Variants in SKOR1 observed in about 807,000 individuals in gnomAD.
SKOR1 encodes LBX1 corepressor 1.
A neutral mutation model predicts 72.4 loss-of-function variants in SKOR1; 38 were observed. That is an observed-to-expected ratio of 0.52 (90% CI 0.40 to 0.69). SKOR1 has a LOEUF of 0.69. Among genes scored for constraint, SKOR1 ranks in the 30% least tolerant of loss-of-function variants. The pLI is 0.00. For missense variants in SKOR1, 1,320 were observed against 1,343.2 expected, an observed-to-expected ratio of 0.98 and a Z score of 0.27; for synonymous variants, 642 against 599.4, an observed-to-expected ratio of 1.07 and a Z score of -1.04.
chr15:67,827,400 AGCG>A lies in SKOR1; in HGVS notation c.1575_1577del (p.Ala528del), dbSNP rs750166844. On this transcript the variant is annotated inframe_deletion, in exon 2 of 9. Transcript: ENST00000380035. ...CCGTGGCGGCGGCAGCGGCGGCGGC[AGCG>A]GCAGCTGCTGGCAGCGGTGCCCCAG... The A allele has an allele frequency of 2.5e-5, 39 of 1,534,674 alleles. No homozygotes were observed. The South Asian group carries it at 4.4e-4, about 17-fold the overall frequency.
rs2091025968 is a variant in SKOR1, at chr15:67,833,677, G to T, written c.2804-65G>T. The stretch of plus-strand genomic sequence containing the variant: ...TTGGTAAGGCCGGGGAGGGGAAAGG[G>T]TGGACTGCGCGGTGAGGTGAGCCTG... On this transcript the variant is annotated intron_variant, in intron 8 of 8. Coordinates refer to ENST00000380035, the MANE Select transcript of SKOR1 (RefSeq NM_001365915.1). The surrounding 1 kb of genome is among the most constrained non-coding windows in gnomAD (Gnocchi z 6.0). 6.6e-7 allele frequency: 1 copy of T among 1,523,622 alleles called. No homozygotes were observed. Among genetic ancestry groups the T allele is most frequent in the Non-Finnish European group, 9.1e-7 (1 of 1,100,364 alleles). 94.4% of individuals were successfully genotyped at this position (1,523,622 alleles called of 1,614,324 possible).
chr15:67,830,123 G>T (rs923027393), intron 3 of SKOR1, 68 bp from the exon 4 acceptor site: 1 of 1,529,536 alleles, frequency 6.5e-7, no homozygotes, highest in South Asian at 1.1e-5. Context: ...CCCCGACCGC[G>T]GCAGCTCCGG....
intron 2 of SKOR1, 76 bp from the exon 3 acceptor site, chr15:67,829,103 C>T: frequency 7.4e-7 from 1 of 1,343,222 alleles, no homozygotes. Context: ...CCCTCTTGGC[C>T]GCGGGGTAGG....
chr15:67,826,601 A>G lies in SKOR1; in HGVS notation c.773A>G (p.Asp258Gly), dbSNP rs756000068. 3 of 1,613,750 alleles carry G rather than the reference A, an allele frequency of 1.9e-6. No homozygotes were observed. The highest frequency in any genetic ancestry group is 8.5e-7 in the Non-Finnish European group (1 of 1,179,954). Residue 258 changes from aspartate to glycine, a missense_variant, in exon 2 of 9, where the codon GAC (aspartate) becomes GGC (glycine). Physicochemically the swap from Asp to Gly is moderately conservative, Grantham distance 94 (BLOSUM62 -1). This residue lies in a region of SKOR1 where 1,099 missense variants were observed against 1,025.5 expected (regional missense o/e 1.07). Transcript: ENST00000380035. ...HLKLSDKSAT[D>G]ELSHAWEDVK... is the part of the protein sequence containing the mutation. ...AAACTCAGTGACAAGTCGGCCACAG[A>G]CGAACTGAGCCATGCTTGGGAGGAC... is the stretch of plus-strand genomic sequence containing the variant.
chr15:67,828,956 G>A (rs1433412654), intron 2 of SKOR1, among the ~76,000 whole-genome samples: 1 of 152,336 alleles, frequency 6.6e-6, no homozygotes, highest in South Asian at 2.1e-4. Flanking sequence ...CTTGGGAGCC[G>A]CTTTGTGTTT....
Position 67,832,871 on chromosome 15 carries a change from AT to A in SKOR1, c.2737+191del, listed in dbSNP as rs2091019413. The stretch of plus-strand genomic sequence containing the variant: ...CGAGCCCAGCAAACGGCTTGCAGGC[AT>A]CATTACATGGAGTGATTGAACTTCT... On this transcript the variant is annotated intron_variant, in intron 7 of 8. Coordinates refer to ENST00000380035, the MANE Select transcript of SKOR1 (RefSeq NM_001365915.1). This position sits in a 1 kb window ranked among gnomAD's most constrained non-coding sequence, Gnocchi z 4.5. 4.9e-6 allele frequency: 3 copies of A among 610,148 alleles called. No homozygotes were observed. In the East Asian group the frequency reaches 8.3e-5, roughly 17 times the overall value. 37.8% of individuals were successfully genotyped at this position (610,148 alleles called of 1,614,324 possible). A position where few individuals can be genotyped will look rare whatever the true frequency, so the allele number is the denominator to read the frequency against.
rs1331670947 is a variant in SKOR1, at chr15:67,827,597, C to G, written c.1769C>G (p.Ser590Cys). Residue 590 changes from serine to cysteine, a missense_variant, in exon 2 of 9, where the codon TCC (serine) becomes TGC (cysteine). Transcript: ENST00000380035. ...CCCCCGCCGCCCGCACGCAAAGGCT[C>G]CTACGTGTCGGCCTTCCGGCCGGTG... ...PPPPPPARKG[S>C]YVSAFRPVVK... 1 of 1,528,348 alleles carries G rather than the reference C, an allele frequency of 6.5e-7. No individual in the cohort carries two copies. Among genetic ancestry groups the G allele is most frequent in the East Asian group, 2.5e-5 (1 of 40,330 alleles). The allele number at this position is 1,528,348 out of a possible 1,614,324, so 94.7% of individuals were successfully genotyped here. A position where few individuals can be genotyped will look rare whatever the true frequency, so the allele number is the denominator to read the frequency against.
intron 3 of SKOR1, 133 bp downstream of exon 3, chr15:67,829,402 A>G (rs1431812066): frequency 2.5e-6 from 2 of 801,578 alleles, no homozygotes; most frequent in Non-Finnish European, 3.8e-6. Flanking sequence ...AAAATAATGA[A>G]AACAAGGAAG....
In SKOR1 at chr15:67,826,324, T is replaced by A; in HGVS notation, c.496T>A (p.Phe166Ile). ...AGAGGCCGAACGCCTGTGCAAGTCG[T>A]TCCTGGGCGAGCACAAACCACCCAA... ...KREAERLCKS[F>I]LGEHKPPKLP... Residue 166 changes from phenylalanine (F) to isoleucine (I), a missense_variant, in exon 2 of 9, where the codon TTC (phenylalanine) becomes ATC (isoleucine). By Grantham distance (21) the Phe-to-Ile change is conservative. Around this residue, in one of 3 missense-constraint regions of SKOR1, gnomAD observed 101 missense variants for 212.8 expected, o/e 0.47. Transcript: ENST00000380035. The A allele has an allele frequency of 6.2e-7, 1 of 1,613,508 alleles. No individual in the cohort carries two copies.
In SKOR1 at chr15:67,827,802, G is replaced by T. The variant is rs1325790658; in HGVS notation, c.1974G>T (p.Glu658Asp). Residue 658 changes from glutamate (E) to aspartate (D), a missense_variant, in exon 2 of 9, where the codon GAG becomes GAT. Physicochemically the swap from Glu to Asp is conservative, Grantham distance 45. Coordinates refer to ENST00000380035, the MANE Select transcript of SKOR1 (RefSeq NM_001365915.1). Reference sequence around the variant, plus strand: ...CGCCCGACGTGGACACCGCGGACGAGCCCGAGGTGGACGTGGAATCCAACC... The same window carrying T: ...CGCCCGACGTGGACACCGCGGACGATCCCGAGGTGGACGTGGAATCCAACC... ...SASPDVDTAD[E>D]PEVDVESNRF... The T allele has an allele frequency of 1.3e-6, 2 of 1,576,808 alleles. No individual in the cohort carries two copies. Among genetic ancestry groups the T allele is most frequent in the Non-Finnish European group, 1.7e-6 (2 of 1,161,454 alleles).
At position 67,833,997 on chromosome 15, in the gene SKOR1, G is replaced by GC; in HGVS notation, c.*166dup. The GC allele has an allele frequency of 1.3e-6, 1 of 779,240 alleles. No individual in the cohort carries two copies. The highest frequency in any genetic ancestry group is 2.1e-6 in the Non-Finnish European group (1 of 469,914). 48.3% of individuals were successfully genotyped at this position (779,240 alleles called of 1,614,324 possible). A position where few individuals can be genotyped will look rare whatever the true frequency, so the allele number is the denominator to read the frequency against. ...CCTCCCGGGCTCCCCGGCCTTGCCC[G>GC]CCCCCTCCCGGGCGTCCCTGTCCAG... On this transcript the variant is annotated 3_prime_UTR_variant, in exon 9 of 9. Transcript: ENST00000380035. This position sits in a 1 kb window ranked among gnomAD's most constrained non-coding sequence, Gnocchi z 6.0.
Position 67,832,797 on chromosome 15 carries a change from T to G in SKOR1, c.2737+116T>G, listed in dbSNP as rs2091019008. On this transcript the variant is annotated intron_variant, in intron 7 of 8. Coordinates refer to ENST00000380035, the MANE Select transcript of SKOR1 (RefSeq NM_001365915.1). The surrounding 1 kb of genome is among the most constrained non-coding windows in gnomAD (Gnocchi z 4.5). The stretch of plus-strand genomic sequence containing the variant: ...AATTGAAGGTAATTTAACAATTATT[T>G]TTTTATTTAATATGCTTTGTATACT... 1.1e-6 allele frequency: 1 copy of G among 882,532 alleles called. No individual in the cohort carries two copies. Among genetic ancestry groups the G allele is most frequent in the Admixed American group, 2.3e-5 (1 of 43,722 alleles). The allele number at this position is 882,532 out of a possible 1,614,324, so 54.7% of individuals were successfully genotyped here. A position where few individuals can be genotyped will look rare whatever the true frequency, so the allele number is the denominator to read the frequency against.
At position 67,827,404 on chromosome 15, in the gene SKOR1, G is replaced by C; in HGVS notation, c.1576G>C (p.Ala526Pro). ...AVAAAAAAAA[A>P]AAGSGAPEPL... ...GGCGGCGGCAGCGGCGGCGGCAGCGGCAGCTGCTGGCAGCGGTGCCCCAGA... is the reference window on the plus strand; with the variant it reads ...GGCGGCGGCAGCGGCGGCGGCAGCGCCAGCTGCTGGCAGCGGTGCCCCAGA... Residue 526 changes from alanine (A) to proline (P), a missense_variant, in exon 2 of 9, where the codon GCA becomes CCA. Coordinates refer to ENST00000380035, the MANE Select transcript of SKOR1 (RefSeq NM_001365915.1). 1 of 1,526,218 alleles carries C rather than the reference G, an allele frequency of 6.6e-7. No homozygotes were observed. Among genetic ancestry groups the C allele is most frequent in the Non-Finnish European group, 8.7e-7 (1 of 1,143,980 alleles). The allele number at this position is 1,526,218 out of a possible 1,614,324, so 94.5% of individuals were successfully genotyped here.
In SKOR1 at chr15:67,834,130, G is replaced by T; in HGVS notation, c.*294G>T. The T allele has an allele frequency of 2.1e-6, 1 of 481,292 alleles. No homozygotes were observed. Among genetic ancestry groups the T allele is most frequent in the Non-Finnish European group, 3.8e-6 (1 of 260,544 alleles). 29.8% of individuals were successfully genotyped at this position (481,292 alleles called of 1,614,324 possible). Reference sequence around the variant, plus strand: ...TCAAGGGGTTAACTGGACAGACGGGGGGCGGGAGGGGAGAGCGCCCCCTCC... The same window carrying T: ...TCAAGGGGTTAACTGGACAGACGGGTGGCGGGAGGGGAGAGCGCCCCCTCC... On this transcript the variant is annotated 3_prime_UTR_variant, in exon 9 of 9. Coordinates refer to ENST00000380035, the MANE Select transcript of SKOR1 (RefSeq NM_001365915.1). The surrounding 1 kb of genome is among the most constrained non-coding windows in gnomAD (Gnocchi z 5.8).
At position 67,833,405 on chromosome 15, in the gene SKOR1, G is replaced by C; in HGVS notation, c.2803+148G>C. 1.1e-6 allele frequency: 1 copy of C among 917,588 alleles called. No individual in the cohort carries two copies. 56.8% of individuals were successfully genotyped at this position (917,588 alleles called of 1,614,324 possible). On this transcript the variant is annotated intron_variant, in intron 8 of 8. Coordinates refer to ENST00000380035, the MANE Select transcript of SKOR1 (RefSeq NM_001365915.1). The surrounding 1 kb of genome is among the most constrained non-coding windows in gnomAD (Gnocchi z 6.0). ...GAGAAAAGTGGGAACTGATTTTAACGGGAAGATTATTCTAGGATGGTGGGG... is the reference window on the plus strand; with the variant it reads ...GAGAAAAGTGGGAACTGATTTTAACCGGAAGATTATTCTAGGATGGTGGGG...
At position 67,833,600 on chromosome 15, in the gene SKOR1, C is replaced by T; in HGVS notation, c.2804-142C>T. ...TTCTGAATCACCAGCTTTTGTCCTA[C>T]CCTCCTGCCTCCTCCTGATCCGCTC... On this transcript the variant is annotated intron_variant, in intron 8 of 8. Transcript: ENST00000380035. This position sits in a 1 kb window ranked among gnomAD's most constrained non-coding sequence, Gnocchi z 6.0. The T allele has an allele frequency of 1.2e-6, 1 of 852,722 alleles. No individual in the cohort carries two copies. The highest frequency in any genetic ancestry group is 1.9e-6 in the Non-Finnish European group (1 of 517,492). The allele number at this position is 852,722 out of a possible 1,614,324, so 52.8% of individuals were successfully genotyped here.
rs1368261942 is a variant in SKOR1, at chr15:67,828,004, C to T, written c.2176C>T (p.Pro726Ser). 15 of 1,539,894 alleles carry T rather than the reference C, an allele frequency of 9.7e-6. No homozygotes were observed. The highest frequency in any genetic ancestry group is 1.7e-4 in the Middle Eastern group (1 of 5,738). ...SPRPRRRLGP[P>S]PAGRPAFGDL... ...CCGCCCCCGGCGCCGCCTCGGGCCACCCCCAGCTGGCCGGCCCGCATTTGG... is the reference window on the plus strand; with the variant it reads ...CCGCCCCCGGCGCCGCCTCGGGCCATCCCCAGCTGGCCGGCCCGCATTTGG... Residue 726 changes from proline to serine, a missense_variant, in exon 2 of 9, where the codon CCC becomes TCC. By Grantham distance (74) the Pro-to-Ser change is moderately conservative. Transcript: ENST00000380035.
intron 3 of SKOR1, 115 bp downstream of exon 3, chr15:67,829,384 G>C (rs923605970): frequency 5.6e-6 from 5 of 889,628 alleles, no homozygotes; most frequent in Non-Finnish European, 8.3e-6. Flanking sequence ...AAGAGGGAGA[G>C]GGAAAGAAAA....
chr15:67,829,216 C>T lies in SKOR1; in HGVS notation c.2354C>T (p.Ala785Val). 1.3e-6 allele frequency: 2 copies of T among 1,576,120 alleles called. No homozygotes were observed. Among genetic ancestry groups the T allele is most frequent in the Non-Finnish European group, 1.7e-6 (2 of 1,168,518 alleles). ...APERDEHVKS[A>V]AVALGPAASY... ...GAGAGGGATGAGCACGTGAAGAGCG[C>T]GGCGGTGGCGCTGGGGCCCGCGGCC... is the stretch of plus-strand genomic sequence containing the variant. Residue 785 changes from alanine (A) to valine (V), a missense_variant, in exon 3 of 9, where the codon GCG becomes GTG. Around this residue, in one of 3 missense-constraint regions of SKOR1, gnomAD observed 1,099 missense variants for 1,025.5 expected, o/e 1.07. Transcript: ENST00000380035.
Sources: allele counts gnomAD v4.1 joint callset (sites outside exome capture counted in the v4.1 genomes callset), GRCh38; gene constraint gnomAD v4.1.1; regional missense constraint gnomAD v4.1.1; non-coding constraint Gnocchi (gnomAD v3.1); transcripts MANE v1.5; gene names NCBI Gene and HGNC (gene_info 2026-07-23, HGNC 2026-07-21).